ATP1B1: variants seen among roughly 807,000 people sequenced by gnomAD.
ATP1B1 encodes the protein ATPase Na+/K+ transporting subunit beta 1, also known as sodium/potassium-transporting ATPase subunit beta-1.
Under a neutral mutation model 39.6 loss-of-function variants are expected in ATP1B1, and 3 were observed. That is an observed-to-expected ratio of 0.08 (90% CI 0.03 to 0.20). The LOEUF is 0.20. Among genes scored for constraint, ATP1B1 ranks in the 10% least tolerant of loss-of-function variants. ATP1B1 has a pLI of 1.00. For synonymous variants in ATP1B1, 139 were observed against 135.0 expected, an observed-to-expected ratio of 1.03 and a Z score of -0.20; for missense variants, 216 against 371.1, an observed-to-expected ratio of 0.58 and a Z score of 3.43.
chr1:169,107,430 C>A (rs973729078), intron 1 of ATP1B1, among the ~76,000 whole-genome samples: 13 of 152,260 alleles, frequency 8.5e-5, no homozygotes, highest in Non-Finnish European at 1.5e-4. Context: ...GGAGAGGAAT[C>A]CATCCACACT....
chr1:169,131,423 C>G lies in ATP1B1; in HGVS notation c.780C>G (p.Ala260=), dbSNP rs769110755. 2 of 1,614,122 alleles carry G rather than the reference C, an allele frequency of 1.2e-6. No homozygotes were observed. The highest frequency in any genetic ancestry group is 1.7e-6 in the Non-Finnish European group (2 of 1,180,022). The stretch of plus-strand genomic sequence containing the variant: ...CCAAATACCTGCAGCCCCTGCTGGC[C>G]GTACAGTTCACCAATCTTACCATGG... ...LQPKYLQPLL[A]VQFTNLTMDT... Residue 260 remains alanine, a synonymous_variant, in exon 6 of 6, where the codon GCC becomes GCG. Transcript: ENST00000367815. The surrounding 1 kb of genome is among the most constrained non-coding windows in gnomAD (Gnocchi z 4.4).
chr1:169,116,588 T>C (rs1017635468), intron 2 of ATP1B1, among the ~76,000 whole-genome samples: 7 of 152,142 alleles, frequency 4.6e-5, no homozygotes, highest in African/African-American at 1.7e-4. Context: ...CAGTGGCTCA[T>C]ACCTGTATTC....
At chr1:169,127,162 T>G in intron 3 of ATP1B1, 62 bp from the exon 4 acceptor site, 1 of 1,484,842 alleles carries the variant, frequency 6.7e-7, no homozygotes, top group Non-Finnish European at 8.9e-7. Context: ...AGACAGTTTC[T>G]TTTTCTTAGA....
chr1:169,128,039 C>T (rs777886085), intron 4 of ATP1B1, among the ~76,000 whole-genome samples: 12 of 152,262 alleles, frequency 7.9e-5, no homozygotes, highest in South Asian at 6.2e-4. Context: ...GAAAAATGAG[C>T]AAATTGCCAT....
Position 169,130,057 on chromosome 1 carries a change from C to T in ATP1B1, c.615C>T (p.Asn205=), listed in dbSNP as rs1003125583. Residue 205 remains asparagine (N), a synonymous_variant, in exon 5 of 6, where the codon AAC becomes AAT. Transcript: ENST00000367815. The part of the protein sequence containing the change: ...SLETYPVMKY[N]PNVLPVQCTG... ...AGACTTACCCAGTGATGAAGTATAA[C>T]CCAAATGTCCTTCCCGTTCAGTGCA... 4 of 1,613,436 alleles carry T rather than the reference C, an allele frequency of 2.5e-6. No homozygotes were observed. The highest frequency in any genetic ancestry group is 1.3e-5 in the African/African-American group (1 of 74,846).
chr1:169,112,320 G>T (rs899217525), intron 2 of ATP1B1, among the ~76,000 whole-genome samples: 5 of 152,256 alleles, frequency 3.3e-5, no homozygotes, highest in African/African-American at 9.6e-5. Context: ...CATGCCTGAT[G>T]CTGATAGGAC....
chr1:169,111,223 G>A (rs113830133), intron 1 of ATP1B1, 147 bp from the exon 2 acceptor site: 4 of 1,060,344 alleles, frequency 3.8e-6, no homozygotes, highest in Non-Finnish European at 5.4e-6. Context: ...TGTGTCAGTG[G>A]GGTGAGGTGC....
At chr1:169,112,696 G>T (rs192504640) in intron 2 of ATP1B1, among the ~76,000 whole-genome samples, 1 of 152,110 alleles carries the variant, frequency 6.6e-6, no homozygotes, top group Non-Finnish European at 1.5e-5. Context: ...AAGTCAAATA[G>T]TTCTCCACTG....
At chr1:169,115,899 G>T (rs1054298402) in intron 2 of ATP1B1, among the ~76,000 whole-genome samples, 5 of 152,286 alleles carry the variant, frequency 3.3e-5, no homozygotes, top group Admixed American at 6.5e-5. Context: ...TTGGGTTAGC[G>T]CCTGCCAAGC....
In ATP1B1 at chr1:169,132,697, C is replaced by T. The variant is rs1138486; in HGVS notation, c.*1142C>T. ...CTTGTATTCAGTCAGGTTAAAACAA[C>T]GGACAATAAAAGAATGAACACATTC... On this transcript the variant is annotated 3_prime_UTR_variant, in exon 6 of 6. Coordinates refer to ENST00000367815, the MANE Select transcript of ATP1B1 (RefSeq NM_001677.4). The T allele has an allele frequency of 0.1, 131,284 of 1,264,786 alleles. 16,621 individuals carry two copies. Among genetic ancestry groups the T allele is most frequent in the East Asian group, 0.7 (29,726 of 42,512 alleles). 78.3% of individuals were successfully genotyped at this position (1,264,786 alleles called of 1,614,324 possible).
At chr1:169,125,177 T>G in intron 3 of ATP1B1, 138 bp downstream of exon 3, 1 of 1,158,774 alleles carries the variant, frequency 8.6e-7, no homozygotes, top group Non-Finnish European at 1.2e-6. Flanking sequence ...ATTTAGACAC[T>G]TTTTTTAAAA....
At chr1:169,120,978 C>T (rs1401172039) in intron 2 of ATP1B1, among the ~76,000 whole-genome samples, 2 of 134,512 alleles carry the variant, frequency 1.5e-5, no homozygotes, top group Non-Finnish European at 3.1e-5. Flanking sequence ...GACAGAGTCT[C>T]GCTCTGTTGC....
rs542515182 is a variant in ATP1B1, at chr1:169,127,548, A to T, written c.567+140A>T. 1.2e-4 allele frequency: 97 copies of T among 835,636 alleles called. No homozygotes were observed. The African/African-American group carries it at 1.5e-3, about 13-fold the overall frequency. 51.8% of individuals were successfully genotyped at this position (835,636 alleles called of 1,614,324 possible). On this transcript the variant is annotated intron_variant, in intron 4 of 5. Transcript: ENST00000367815. ...CGTAGCCAGTAGAGTAACACCAAAAACTTCTGTATCCACCCTGCAATTCTT... is the reference window on the plus strand; with the variant it reads ...CGTAGCCAGTAGAGTAACACCAAAATCTTCTGTATCCACCCTGCAATTCTT...
chr1:169,119,337 T>C (rs1360576110), intron 2 of ATP1B1, among the ~76,000 whole-genome samples: 1 of 152,242 alleles, frequency 6.6e-6, no homozygotes, highest in East Asian at 1.9e-4. Context: ...AGAACAAAGC[T>C]GTCTCTAGAG....
In ATP1B1 at chr1:169,131,857, T is replaced by TAAGTA. The variant is rs1207179341; in HGVS notation, c.*303_*307dup. On this transcript the variant is annotated 3_prime_UTR_variant, in exon 6 of 6. Coordinates refer to ENST00000367815, the MANE Select transcript of ATP1B1 (RefSeq NM_001677.4). This position sits in a 1 kb window ranked among gnomAD's most constrained non-coding sequence, Gnocchi z 4.4. The stretch of plus-strand genomic sequence containing the variant: ...TGTAGTAAGCAGTGTTTCTGGCCCC[T>TAAGTA]AAGTATTGCTGCCTTGTGTATTTTA... 5 of 386,846 alleles carry TAAGTA rather than the reference T, an allele frequency of 1.3e-5. No individual in the cohort carries two copies. Among genetic ancestry groups the TAAGTA allele is most frequent in the Non-Finnish European group, 2.3e-5 (5 of 214,494 alleles). The allele number at this position is 386,846 out of a possible 1,614,324, so 24.0% of individuals were successfully genotyped here. A position where few individuals can be genotyped will look rare whatever the true frequency, so the allele number is the denominator to read the frequency against.
intron 2 of ATP1B1, among the ~76,000 whole-genome samples, chr1:169,124,189 A>T (rs1658042578): frequency 1.3e-5 from 2 of 152,148 alleles, no homozygotes; most frequent in South Asian, 4.1e-4. Context: ...AATGTAACAG[A>T]GTTTTAGAGA....
rs146260113 is a variant in ATP1B1, at chr1:169,125,038, C to T, written c.381C>T (p.Gly127=). ...QRDDMIFEDC[G]DVPSEPKERG... is the part of the protein sequence containing the mutation. Reference sequence around the variant, plus strand: ...ATGACATGATTTTTGAAGATTGTGGCGGTAAGTAGACTCATTGTAGATGTC... The same window carrying T: ...ATGACATGATTTTTGAAGATTGTGGTGGTAAGTAGACTCATTGTAGATGTC... The change falls in exon 3 of 6, where the codon GGC becomes GGT. Residue 127 remains glycine, a splice_region_variant and synonymous_variant. Transcript: ENST00000367815. The T allele has an allele frequency of 8.7e-4, 1,398 of 1,609,892 alleles. 2 individuals are homozygous for T. The highest frequency in any genetic ancestry group is 1.1e-3 in the Non-Finnish European group (1,281 of 1,178,476).
At chr1:169,115,945 A>C (rs1313041422) in intron 2 of ATP1B1, among the ~76,000 whole-genome samples, 1 of 152,244 alleles carries the variant, frequency 6.6e-6, no homozygotes, top group Non-Finnish European at 1.5e-5. Flanking sequence ...GCAGTCCTGC[A>C]GTGCTGCTCT....
chr1:169,125,238 T>C (rs1169036145), intron 3 of ATP1B1, among the ~76,000 whole-genome samples, 199 bp downstream of exon 3: 1 of 152,218 alleles, frequency 6.6e-6, no homozygotes, highest in African/African-American at 2.4e-5. Flanking sequence ...ATGACTGTTT[T>C]CTGCATTGGA....
Sources: gnomAD v4.1 joint callset for allele counts (sites outside exome capture counted in the v4.1 genomes callset) on GRCh38, gnomAD v4.1.1 for gene constraint, Gnocchi (gnomAD v3.1) non-coding constraint, MANE v1.5 for transcripts, NCBI Gene and HGNC (gene_info 2026-07-23, HGNC 2026-07-21) for gene names.